PTPRM: variants seen among roughly 807,000 people sequenced by gnomAD.
PTPRM encodes the protein protein tyrosine phosphatase receptor type M.
A neutral mutation model predicts 186.7 loss-of-function variants in PTPRM; 47 were observed. That is an observed-to-expected ratio of 0.25 (90% CI 0.20 to 0.32). PTPRM has a LOEUF of 0.32. PTPRM is among the 10% of genes least tolerant of loss of function. The probability of loss-of-function intolerance (pLI) is 1.00; values close to 1 mark genes in which losing one functional copy is unlikely to be tolerated. For synonymous variants in PTPRM, 668 were observed against 674.9 expected (o/e 0.99, Z 0.16); for missense variants, 1,494 against 1,865.0 (o/e 0.80, Z 3.66).
chr18:7,864,531 C>T (rs534115582), intron 2 of PTPRM, among the ~76,000 whole-genome samples: 5 of 152,150 alleles, frequency 3.3e-5, no homozygotes, highest in Non-Finnish European at 7.4e-5. Context: ...ATTTCTGAGA[C>T]CTCTATTCTG....
At position 8,180,641 on chromosome 18, in the gene PTPRM, G is replaced by A. The variant is rs749363138; in HGVS notation, c.2300+36862G>A. 1.6e-4 allele frequency among the ~76,000 whole-genome samples: 25 copies of A among 152,132 alleles called. 1 individual carries two copies. Among genetic ancestry groups the A allele is most frequent in the Non-Finnish European group, 2.9e-4 (20 of 68,020 alleles). ...TTGGGAGGGGCTGCATGTACACTGT[G>A]TTTATGGGAGTTGTATGCATGCTCA... On this transcript the variant is annotated intron_variant, in intron 14 of 32. Coordinates refer to ENST00000580170, the MANE Select transcript of PTPRM (RefSeq NM_001105244.2).
chr18:8,177,158 A>G (rs2093496900), intron 14 of PTPRM, among the ~76,000 whole-genome samples: 1 of 152,206 alleles, frequency 6.6e-6, no homozygotes. Flanking sequence ...TTTAACCTTT[A>G]TAAAAGTATG....
In PTPRM at chr18:8,063,820, C is replaced by T. The variant is rs957729136; in HGVS notation, c.1133-5866C>T. ...TTCTGAAACCAGATACCTTGAATGA[C>T]TAGCCCAGGGTCCAGTATGTATTCT... On this transcript the variant is annotated intron_variant, in intron 7 of 32. Transcript: ENST00000580170. Among the ~76,000 whole-genome samples the T allele has an allele frequency of 3.3e-5, 5 of 152,304 alleles. No homozygotes were observed. In the East Asian group the frequency reaches 7.7e-4, roughly 23 times the overall value.
rs1162929959 is a variant in PTPRM, at chr18:7,568,624, C to T, written c.73+733C>T. Among the ~76,000 whole-genome samples, 2 of 152,206 alleles carry T rather than the reference C, an allele frequency of 1.3e-5. No individual in the cohort carries two copies. Among genetic ancestry groups the T allele is most frequent in the African/African-American group, 4.8e-5 (2 of 41,472 alleles). ...CCCTCGTCCCCCTAGCGGAGCGCCG[C>T]GGCCAGCTGCAACTTGTTCATCCAG... is the stretch of plus-strand genomic sequence containing the variant. On this transcript the variant is annotated intron_variant, in intron 1 of 32. Transcript: ENST00000580170. This position sits in a 1 kb window ranked among gnomAD's most constrained non-coding sequence, Gnocchi z 5.1.
intron 1 of PTPRM, among the ~76,000 whole-genome samples, chr18:7,770,189 G>T (rs556600058): frequency 6.6e-6 from 1 of 152,270 alleles, no homozygotes; most frequent in East Asian, 1.9e-4. Context: ...CAAGAAGACT[G>T]TATTTTTAGA....
At chr18:8,142,943 G>A (rs572876644) in intron 13 of PTPRM, among the ~76,000 whole-genome samples, 1 of 152,310 alleles carries the variant, frequency 6.6e-6, no homozygotes, top group South Asian at 2.1e-4. Flanking sequence ...TTTTAGACAT[G>A]AGAAAGGGGA....
intron 21 of PTPRM, among the ~76,000 whole-genome samples, chr18:8,318,041 T>C (rs1469100372): frequency 6.6e-6 from 1 of 152,206 alleles, no homozygotes; most frequent in Non-Finnish European, 1.5e-5. Context: ...TTCATTGTTT[T>C]CAACTTGTTT....
chr18:8,110,010 T>C (rs962095050), intron 11 of PTPRM, among the ~76,000 whole-genome samples: 1 of 152,218 alleles, frequency 6.6e-6, no homozygotes, highest in African/African-American at 2.4e-5. Flanking sequence ...CAAAATAAAC[T>C]TCACATTAAA....
At chr18:8,365,146 C>A (rs543225661) in intron 23 of PTPRM, among the ~76,000 whole-genome samples, 1 of 152,286 alleles carries the variant, frequency 6.6e-6, no homozygotes, top group South Asian at 2.1e-4. Context: ...CCTGGTAAGA[C>A]TGAGGAAAGC....
intron 14 of PTPRM, among the ~76,000 whole-genome samples, chr18:8,151,936 G>A (rs1051981514): frequency 5.3e-5 from 8 of 152,092 alleles, no homozygotes; most frequent in African/African-American, 1.2e-4. Flanking sequence ...TGCACTTCCC[G>A]GGTGAGATGA....
At chr18:8,249,665 G>T (rs1259694968) in intron 17 of PTPRM, among the ~76,000 whole-genome samples, 1 of 152,184 alleles carries the variant, frequency 6.6e-6, no homozygotes, top group Non-Finnish European at 1.5e-5. Context: ...TCAGAAGGAA[G>T]AAAATGTTCA....
chr18:7,575,089 A>G (rs1460133015), intron 1 of PTPRM, among the ~76,000 whole-genome samples: 1 of 152,252 alleles, frequency 6.6e-6, no homozygotes, highest in African/African-American at 2.4e-5. Flanking sequence ...AGTACTGACA[A>G]TGTGTATCCT....
intron 5 of PTPRM, among the ~76,000 whole-genome samples, chr18:7,927,124 A>C (rs146170095): frequency 6.6e-6 from 1 of 152,198 alleles, no homozygotes; most frequent in East Asian, 1.9e-4. Context: ...AATAATACAT[A>C]TTTTACTTTT....
intron 7 of PTPRM, among the ~76,000 whole-genome samples, chr18:8,029,480 G>A (rs1218070200): frequency 1.3e-5 from 2 of 152,066 alleles, no homozygotes; most frequent in Non-Finnish European, 2.9e-5. Flanking sequence ...TGCTTGCTTG[G>A]CCACTTTCTG....
Position 8,286,113 on chromosome 18 carries a change from C to T in PTPRM, c.2755-10255C>T, listed in dbSNP as rs112832986. Among the ~76,000 whole-genome samples the T allele has an allele frequency of 3.4e-3, 519 of 152,316 alleles. 2 individuals carry two copies. Among genetic ancestry groups the T allele is most frequent in the African/African-American group, 0.012 (482 of 41,566 alleles). On this transcript the variant is annotated intron_variant, in intron 19 of 32. Transcript: ENST00000580170. ...GGATGAGGGAAGTGCTGAAGGTGTA[C>T]ATGAGTGACTAAAATTTGGAAAGAC...
intron 22 of PTPRM, among the ~76,000 whole-genome samples, chr18:8,339,185 A>T (rs2095458655): frequency 6.6e-6 from 1 of 151,844 alleles, no homozygotes; most frequent in Non-Finnish European, 1.5e-5. Flanking sequence ...TATTGAAAAA[A>T]AAAAACGTTC....
At chr18:7,917,860 G>A (rs2050651148) in intron 4 of PTPRM, among the ~76,000 whole-genome samples, 1 of 152,032 alleles carries the variant, frequency 6.6e-6, no homozygotes, top group South Asian at 2.1e-4. Flanking sequence ...CCAGCCTTTG[G>A]TAACCATTAA....
intron 1 of PTPRM, among the ~76,000 whole-genome samples, chr18:7,626,688 T>A (rs2038070251): frequency 6.6e-6 from 1 of 152,056 alleles, no homozygotes; most frequent in Non-Finnish European, 1.5e-5. Context: ...ACTGGGGTTA[T>A]CTGGGTTATT....
At chr18:7,716,801 T>C (rs558084100) in intron 1 of PTPRM, among the ~76,000 whole-genome samples, 2 of 152,256 alleles carry the variant, frequency 1.3e-5, no homozygotes, top group Non-Finnish European at 2.9e-5. Flanking sequence ...CCAGTTAGAA[T>C]GGCAATCATT....
Sources: gnomAD v4.1 joint callset for allele counts (sites outside exome capture counted in the v4.1 genomes callset) on GRCh38, gnomAD v4.1.1 for gene constraint, Gnocchi (gnomAD v3.1) non-coding constraint, MANE v1.5 for transcripts, NCBI Gene and HGNC (gene_info 2026-07-23, HGNC 2026-07-21) for gene names.